The following CIMIP2B variants were observed in gnomAD, a reference collection of about 807,000 sequenced individuals.
CIMIP2B encodes the protein family with sequence similarity 166 member B.
At chr9:35,562,319 A>C in the CIMIP2B span, 58 of 1,288,388 alleles carry the variant, frequency 4.5e-5, no homozygotes, top group South Asian at 2.7e-4. Flanking sequence ...CACCCAACCC[A>C]CCCCATACCC....
At chr9:35,563,678 G>A in the CIMIP2B span, 80 of 1,279,822 alleles carry the variant, frequency 6.3e-5, 1 homozygote, top group Non-Finnish European at 8.1e-5. Flanking sequence ...CAACCTGTCC[G>A]CTTGGCCCCA....
the CIMIP2B span, chr9:35,562,228 G>A: frequency 3.0e-5 from 30 of 1,010,294 alleles, no homozygotes; most frequent in South Asian, 7.0e-5. Context: ...TAGCTACCTC[G>A]GTTTCCTTTT....
chr9:35,563,652 C>T, the CIMIP2B span: 1 of 949,390 alleles, frequency 1.1e-6, no homozygotes, highest in South Asian at 1.5e-5. Context: ...ACCATAGAGA[C>T]CTCAGCCTCC....
chr9:35,562,978 T>C, the CIMIP2B span: 1 of 1,614,006 alleles, frequency 6.2e-7, no homozygotes, highest in Non-Finnish European at 8.5e-7. Flanking sequence ...TGGTAGCTCT[T>C]CACTCCCTTG....
At chr9:35,563,737 C>T in the CIMIP2B span, 5 of 1,594,994 alleles carry the variant, frequency 3.1e-6, no homozygotes, top group Non-Finnish European at 4.3e-6. Flanking sequence ...CTCCCAGCAG[C>T]AAGCGGGGAG....
chr9:35,563,287 A>AG, the CIMIP2B span: 4 of 1,613,888 alleles, frequency 2.5e-6, no homozygotes, highest in Admixed American at 3.3e-5. Context: ...TGCGGTGGAC[A>AG]GGGGGCCAGG....
the CIMIP2B span, chr9:35,562,330 A>C: frequency 1.6e-5 from 19 of 1,159,902 alleles, no homozygotes; most frequent in Non-Finnish European, 2.2e-5. Context: ...CCCCATACCC[A>C]TACAAACAAA....
At chr9:35,562,849 A>G in the CIMIP2B span, 42 of 1,612,818 alleles carry the variant, frequency 2.6e-5, no homozygotes, top group Non-Finnish European at 3.4e-5. Flanking sequence ...ACACCTCTGC[A>G]CTCCCCACCA....
chr9:35,562,705 G>A, the CIMIP2B span: 15 of 1,613,468 alleles, frequency 9.3e-6, no homozygotes, highest in East Asian at 3.1e-4. Flanking sequence ...AGAAGCCTGT[G>A]AGAGAAGCCC....
chr9:35,563,425 C>T, the CIMIP2B span: 1 of 1,511,992 alleles, frequency 6.6e-7, no homozygotes, highest in Admixed American at 1.9e-5. Flanking sequence ...CAGAATCGCC[C>T]TGCCCCGCCA....
the CIMIP2B span, chr9:35,562,847 G>A: frequency 3.7e-6 from 6 of 1,613,418 alleles, no homozygotes; most frequent in Non-Finnish European, 5.1e-6. Flanking sequence ...CCACACCTCT[G>A]CACTCCCCAC....
At chr9:35,562,690 T>TC in the CIMIP2B span, 1 of 1,613,414 alleles carries the variant, frequency 6.2e-7, no homozygotes, top group Non-Finnish European at 8.5e-7. Flanking sequence ...ATCCATGGAG[T>TC]AGGGAGAAGC....
the CIMIP2B span, chr9:35,562,478 G>A: frequency 6.3e-7 from 1 of 1,583,872 alleles, no homozygotes; most frequent in South Asian, 1.2e-5. Context: ...ACTGCCTGGT[G>A]AGTGCTTCTG....
chr9:35,562,597 A>C, the CIMIP2B span: 1 of 1,609,164 alleles, frequency 6.2e-7, no homozygotes, highest in African/African-American at 1.3e-5. Flanking sequence ...ACACTGAGCC[A>C]AGGCATCCTG....
the CIMIP2B span, chr9:35,563,800 C>T: frequency 6.2e-7 from 1 of 1,613,972 alleles, no homozygotes; most frequent in Non-Finnish European, 8.5e-7. Flanking sequence ...AGGGTTGAGC[C>T]CTGGTATGAA....
At chr9:35,563,536 T>C in the CIMIP2B span, 1 of 763,964 alleles carries the variant, frequency 1.3e-6, no homozygotes. Flanking sequence ...GCCTGGGCTT[T>C]CGATCCTTCC....
At chr9:35,562,502 AGT>A in the CIMIP2B span, 1 of 1,578,404 alleles carries the variant, frequency 6.3e-7, no homozygotes, top group Non-Finnish European at 8.6e-7. Context: ...AAATTCCTGC[AGT>A]GCCTGGTTGG....
chr9:35,561,915 C>CGG, the CIMIP2B span: 10 of 377,396 alleles, frequency 2.6e-5, no homozygotes, highest in East Asian at 7.0e-5. Flanking sequence ...CTTTGTGTTC[C>CGG]CCCACCCTCC....
chr9:35,562,472 C>A, the CIMIP2B span: 1 of 1,584,568 alleles, frequency 6.3e-7, no homozygotes, highest in Non-Finnish European at 8.6e-7. Context: ...CTGGGCACTG[C>A]CTGGTGAGTG....
Sources: allele counts gnomAD v4.1 joint callset, GRCh38; gene constraint gnomAD v4.1.1; transcripts MANE v1.5; gene names NCBI Gene and HGNC (gene_info 2026-07-23, HGNC 2026-07-21).